Variants in BST1 observed in about 807,000 individuals in gnomAD.
The protein encoded by BST1 is ADP-ribosyl cyclase/cyclic ADP-ribose hydrolase 2.
A neutral mutation model predicts 40.6 loss-of-function variants in BST1; 49 were observed. That is an observed-to-expected ratio of 1.21 (90% CI 0.96 to 1.53). The LOEUF is 1.53. BST1 is among the 40% of genes most tolerant of loss of function. The probability of loss-of-function intolerance (pLI) is 0.00; values close to 1 mark genes in which losing one functional copy is unlikely to be tolerated. For missense variants in BST1, 423 were observed against 395.9 expected (o/e 1.07, Z -0.58); for synonymous variants, 157 against 159.3 (o/e 0.99, Z 0.11).
chr4:15,757,872 C>T, the BST1 span, among the ~76,000 whole-genome samples: 1 of 152,068 alleles, frequency 6.6e-6, no homozygotes, highest in Non-Finnish European at 1.5e-5. Context: ...GAACTCCCGA[C>T]CTCAGGTGAT....
intron 3 of BST1, among the ~76,000 whole-genome samples, chr4:15,709,927 G>T (rs1037292680): frequency 1.3e-5 from 2 of 151,926 alleles, no homozygotes; most frequent in Admixed American, 1.3e-4. Context: ...CCAAACCATT[G>T]ACAGCAGCTC....
the BST1 span, among the ~76,000 whole-genome samples, chr4:15,750,823 A>G: frequency 6.6e-6 from 1 of 151,154 alleles, no homozygotes; most frequent in Admixed American, 6.6e-5. Flanking sequence ...TTCCTTAATA[A>G]TATAGCTGCT....
At chr4:15,751,970 A>T in the BST1 span, among the ~76,000 whole-genome samples, 1 of 152,198 alleles carries the variant, frequency 6.6e-6, no homozygotes, top group Non-Finnish European at 1.5e-5. Context: ...AAAATGAATT[A>T]TTGCCGTTTT....
At chr4:15,708,203 T>G (rs1263443562) in intron 3 of BST1, among the ~76,000 whole-genome samples, 1 of 152,118 alleles carries the variant, frequency 6.6e-6, no homozygotes. Context: ...CCTGATGGAT[T>G]CTGAAGCCTG....
the BST1 span, among the ~76,000 whole-genome samples, chr4:15,761,050 G>A: frequency 2.0e-4 from 31 of 151,248 alleles, 1 homozygote; most frequent in Middle Eastern, 3.4e-3. Flanking sequence ...GTTTTGTTTT[G>A]TTTTGTTTTT....
chr4:15,707,834 A>ACT (rs146353876), intron 3 of BST1, among the ~76,000 whole-genome samples, 188 bp downstream of exon 3: 5,404 of 106,814 alleles, frequency 0.051, 312 homozygotes, highest in East Asian at 0.18. Context: ...CAGTCTAAGC[A>ACT]CTCTCTCTCT....
rs761204309 is a variant in BST1, at chr4:15,705,572, C to T, written c.246C>T (p.Pro82=). ...EAFKVALDKD[P]CSVLPSDYDL... ...TTAAAGTGGCGCTGGACAAGGATCC[C>T]TGCTCCGTGCTGCCCTCAGACTATG... is the stretch of plus-strand genomic sequence containing the variant. Residue 82 remains proline (P), a synonymous_variant, in exon 2 of 9, where the codon CCC becomes CCT. Coordinates refer to ENST00000265016, the MANE Select transcript of BST1 (RefSeq NM_004334.3). 1.9e-6 allele frequency: 3 copies of T among 1,612,614 alleles called. No homozygotes were observed. The highest frequency in any genetic ancestry group is 1.1e-5 in the South Asian group (1 of 90,876).
chr4:15,712,459 T>G (rs1720268246), intron 4 of BST1, among the ~76,000 whole-genome samples: 1 of 152,150 alleles, frequency 6.6e-6, no homozygotes, highest in Non-Finnish European at 1.5e-5. Context: ...GTCATGAGAA[T>G]TAGAATAGAG....
chr4:15,704,310 G>A (rs2148875503), intron 1 of BST1, among the ~76,000 whole-genome samples: 1 of 151,454 alleles, frequency 6.6e-6, no homozygotes, highest in African/African-American at 2.4e-5. Context: ...GTTGAGGGGT[G>A]TGTGTTCTAG....
At chr4:15,756,714 C>T in the BST1 span, among the ~76,000 whole-genome samples, 1 of 152,052 alleles carries the variant, frequency 6.6e-6, no homozygotes, top group African/African-American at 2.4e-5. Context: ...GCTGTTTTTC[C>T]CCCTAGCGGC....
intron 8 of BST1, chr4:15,731,511 C>G (rs1209657686): frequency 1.9e-6 from 2 of 1,050,778 alleles, no homozygotes; most frequent in East Asian, 5.5e-5. Flanking sequence ...AGTCATAGTT[C>G]TTGAAGCTGA....
At chr4:15,703,967 GGT>G (rs1470544025) in intron 1 of BST1, among the ~76,000 whole-genome samples, 6 of 144,466 alleles carry the variant, frequency 4.2e-5, no homozygotes, top group Admixed American at 6.9e-5. Context: ...AGAAGTGAGG[GGT>G]GTGTGTGTTC....
chr4:15,718,773 G>A (rs896969168), intron 6 of BST1, 134 bp from the exon 7 acceptor site: 52 of 703,194 alleles, frequency 7.4e-5, no homozygotes, highest in Non-Finnish European at 1.0e-4. Flanking sequence ...TTAAACCAGA[G>A]ACATTCCAGT....
chr4:15,732,096 A>G lies in BST1; in HGVS notation c.*251A>G. The G allele has an allele frequency of 8.2e-7, 1 of 1,214,022 alleles. No individual in the cohort carries two copies. The highest frequency in any genetic ancestry group is 1.0e-6 in the Non-Finnish European group (1 of 973,264). The allele number at this position is 1,214,022 out of a possible 1,614,324, so 75.2% of individuals were successfully genotyped here. A position where few individuals can be genotyped will look rare whatever the true frequency, so the allele number is the denominator to read the frequency against. On this transcript the variant is annotated 3_prime_UTR_variant, in exon 9 of 9. Transcript: ENST00000265016. ...GTTATTTTCTTATTTGTATAATGAC[A>G]CAAAGCATTGGGAGTCAGACTGCTT...
the BST1 span, among the ~76,000 whole-genome samples, chr4:15,768,135 T>G: frequency 1.3e-5 from 2 of 152,316 alleles, no homozygotes; most frequent in Admixed American, 1.3e-4. Context: ...TGGTTACCAG[T>G]GTGTTAGGCA....
At chr4:15,722,981 C>A in intron 8 of BST1, 47 bp downstream of exon 8, 1 of 1,557,406 alleles carries the variant, frequency 6.4e-7, no homozygotes, top group Non-Finnish European at 8.9e-7. Context: ...AGATAACCAT[C>A]TCCTTTCAGA....
At chr4:15,722,980 T>A in intron 8 of BST1, 46 bp downstream of exon 8, 1 of 1,563,452 alleles carries the variant, frequency 6.4e-7, no homozygotes, top group Non-Finnish European at 8.8e-7. Context: ...AAGATAACCA[T>A]CTCCTTTCAG....
chr4:15,759,633 C>T, the BST1 span, among the ~76,000 whole-genome samples: 21 of 151,948 alleles, frequency 1.4e-4, 1 homozygote, highest in African/African-American at 4.4e-4. Flanking sequence ...TATTTCTCTT[C>T]CTAAGAGTTG....
chr4:15,754,542 C>A, the BST1 span, among the ~76,000 whole-genome samples: 2 of 152,134 alleles, frequency 1.3e-5, no homozygotes, highest in Non-Finnish European at 2.9e-5. Flanking sequence ...GCTGTCAGCA[C>A]TGTGTGGTTT....
Sources: allele counts gnomAD v4.1 joint callset (sites outside exome capture counted in the v4.1 genomes callset), GRCh38; gene constraint gnomAD v4.1.1; transcripts MANE v1.5; gene names NCBI Gene and HGNC (gene_info 2026-07-23, HGNC 2026-07-21).